Variants in FBXO47 observed in about 807,000 individuals in gnomAD.
The protein encoded by FBXO47 is F-box protein 47, also known as F-box only protein 47.
A neutral mutation model predicts 53.9 loss-of-function variants in FBXO47; 34 were observed. That is an observed-to-expected ratio of 0.63 (90% confidence interval 0.48 to 0.84). FBXO47 has a LOEUF of 0.84. Among genes scored for constraint, FBXO47 ranks in the 40% least tolerant of loss-of-function variants. The pLI is 0.00. For synonymous variants in FBXO47, 165 were observed against 181.6 expected (o/e 0.91, Z 0.73); for missense variants, 485 against 541.3 (o/e 0.90, Z 1.03).
intron 10 of FBXO47, among the ~76,000 whole-genome samples, chr17:38,937,912 C>T (rs1915621647): frequency 6.6e-6 from 1 of 152,204 alleles, no homozygotes; most frequent in African/African-American, 2.4e-5. Flanking sequence ...TTGTGATCCA[C>T]CCGCCTCGGC....
chr17:38,937,425 C>T lies in FBXO47; in HGVS notation c.1244-135G>A, dbSNP rs140367650. 1,387 of 333,210 alleles carry T rather than the reference C, an allele frequency of 4.2e-3. 6 individuals carry two copies. The highest frequency in any genetic ancestry group is 6.1e-3 in the Non-Finnish European group (1,157 of 190,386). The allele number at this position is 333,210 out of a possible 1,614,324, so 20.6% of individuals were successfully genotyped here. ...AGGCTGGAATGCAGTGGTGCCATCT[C>T]GGCTCACTGCAACCTCTGCCTCCTG... On this transcript the variant is annotated intron_variant, in intron 10 of 10. Coordinates refer to ENST00000378079, the MANE Select transcript of FBXO47 (RefSeq NM_001008777.3).
chr17:38,946,408 A>AT lies in FBXO47; in HGVS notation c.617-1273_617-1272insA, dbSNP rs1280217359. On this transcript the variant is annotated intron_variant, in intron 6 of 10. Coordinates refer to ENST00000378079, the MANE Select transcript of FBXO47 (RefSeq NM_001008777.3). ...TATATATATCTATATATAAATATAT[A>AT]GATATATATATAACTATATAAATAT... Among the ~76,000 whole-genome samples, 54 of 77,118 alleles carry AT rather than the reference A, an allele frequency of 7.0e-4. 2 individuals carry two copies. Among genetic ancestry groups the AT allele is most frequent in the African/African-American group, 1.4e-3 (25 of 17,280 alleles). 50.6% of individuals were successfully genotyped at this position (77,118 alleles called of 152,430 possible).
intron 10 of FBXO47, among the ~76,000 whole-genome samples, chr17:38,937,596 A>G (rs570608197): frequency 7.5e-4 from 114 of 152,132 alleles, no homozygotes; most frequent in South Asian, 1.9e-3. Context: ...ACCTCAGGTG[A>G]TCCACCCGCC....
intron 7 of FBXO47, among the ~76,000 whole-genome samples, chr17:38,944,508 C>T (rs925908196): frequency 6.6e-6 from 1 of 151,676 alleles, no homozygotes; most frequent in African/African-American, 2.4e-5. Context: ...CGAGACCATT[C>T]TGGCTAACAC....
intron 6 of FBXO47, 55 bp from the exon 7 acceptor site, chr17:38,945,191 T>A: frequency 7.5e-7 from 1 of 1,332,190 alleles, no homozygotes; most frequent in Non-Finnish European, 1.1e-6. Flanking sequence ...GCTGTGCATA[T>A]TGAATAGTGA....
chr17:38,953,634 T>C (rs1362090492), intron 5 of FBXO47, among the ~76,000 whole-genome samples: 1 of 151,850 alleles, frequency 6.6e-6, no homozygotes, highest in East Asian at 1.9e-4. Flanking sequence ...CAAAAATAAA[T>C]AAATTAATTA....
At chr17:38,943,001 T>C in intron 8 of FBXO47, 81 bp from the exon 9 acceptor site, 1 of 1,196,600 alleles carries the variant, frequency 8.4e-7, no homozygotes, top group South Asian at 1.6e-5. Context: ...ATGCAATATT[T>C]TATCTTTATT....
At chr17:38,941,654 A>G (rs1598136045) in intron 9 of FBXO47, among the ~76,000 whole-genome samples, 1 of 142,334 alleles carries the variant, frequency 7.0e-6, no homozygotes, top group East Asian at 2.1e-4. Flanking sequence ...ATGTATGTGT[A>G]TATGTATGTG....
At chr17:38,965,522 A>G (rs1003143899) in intron 1 of FBXO47, among the ~76,000 whole-genome samples, 1 of 151,934 alleles carries the variant, frequency 6.6e-6, no homozygotes, top group Non-Finnish European at 1.5e-5. Context: ...TACCACAGCG[A>G]TTGGGGTCAG....
At position 38,956,318 on chromosome 17, in the gene FBXO47, T is replaced by C. The variant is rs1598147091; in HGVS notation, c.429+859A>G. Among the ~76,000 whole-genome samples, 2 of 151,752 alleles carry C rather than the reference T, an allele frequency of 1.3e-5. 1 individual carries two copies. Among genetic ancestry groups the C allele is most frequent in the South Asian group, 4.2e-4 (2 of 4,808 alleles). ...ACATGAAAAAATTGGCTGGGCAAGG[T>C]GGCTCATACCTGTAATCCCAGCACT... On this transcript the variant is annotated intron_variant, in intron 4 of 10. Coordinates refer to ENST00000378079, the MANE Select transcript of FBXO47 (RefSeq NM_001008777.3).
intron 7 of FBXO47, among the ~76,000 whole-genome samples, chr17:38,944,271 A>C (rs966982131): frequency 6.8e-6 from 1 of 146,328 alleles, no homozygotes; most frequent in Non-Finnish European, 1.5e-5. Flanking sequence ...CATGTATGTA[A>C]TTCTAGCACT....
intron 9 of FBXO47, among the ~76,000 whole-genome samples, chr17:38,939,293 C>CAAAAAAAA (rs1218321299): frequency 2.9e-4 from 10 of 34,866 alleles, no homozygotes; most frequent in Non-Finnish European, 3.1e-4. Context: ...ACTCCATCTC[C>CAAAAAAAA]AAAAAAAAAA....
intron 6 of FBXO47, among the ~76,000 whole-genome samples, chr17:38,949,350 G>C (rs1038551514): frequency 5.3e-5 from 8 of 152,104 alleles, no homozygotes; most frequent in Non-Finnish European, 1.2e-4. Flanking sequence ...AGCCCAGGAA[G>C]TGGAGGTTGC....
In FBXO47 at chr17:38,944,957, C is replaced by A; in HGVS notation, c.793+3G>T. 1 of 1,611,038 alleles carries A rather than the reference C, an allele frequency of 6.2e-7. No individual in the cohort carries two copies. The highest frequency in any genetic ancestry group is 8.5e-7 in the Non-Finnish European group (1 of 1,177,632). ...GTTACAACCCTGAAAGATGGGTGCT[C>A]ACCATCTTGAGGAGATATTGGCCCA... On this transcript the variant is annotated splice_donor_region_variant and intron_variant, in intron 7 of 10. Transcript: ENST00000378079.
chr17:38,962,972 T>C lies in FBXO47; in HGVS notation c.54A>G (p.Arg18=), dbSNP rs1159283629. Residue 18 remains arginine (R), a synonymous_variant, in exon 2 of 11, where the codon AGA becomes AGG. Transcript: ENST00000378079. The part of the protein sequence containing the change: ...NFTLIPNQKL[R]RSNRQTSCYS... ...AACAGCTGGTTTGACGATTACTACGTCTAAGTTTCTGGTTGGGAATCAAAG... is the reference window on the plus strand; with the variant it reads ...AACAGCTGGTTTGACGATTACTACGCCTAAGTTTCTGGTTGGGAATCAAAG... The C allele has an allele frequency of 1.9e-6, 3 of 1,612,210 alleles. No individual in the cohort carries two copies. Among genetic ancestry groups the C allele is most frequent in the Non-Finnish European group, 2.5e-6 (3 of 1,178,762 alleles).
chr17:38,948,704 C>T (rs963418447), intron 6 of FBXO47, among the ~76,000 whole-genome samples: 24 of 151,764 alleles, frequency 1.6e-4, no homozygotes, highest in Non-Finnish European at 2.5e-4. Context: ...CACAGGTAAA[C>T]GTGTACCATG....
intron 5 of FBXO47, among the ~76,000 whole-genome samples, chr17:38,952,388 A>G (rs1193492712): frequency 6.6e-6 from 1 of 152,152 alleles, no homozygotes; most frequent in Non-Finnish European, 1.5e-5. Flanking sequence ...TTTTTAGCAT[A>G]TGATCAAGGT....
intron 9 of FBXO47, among the ~76,000 whole-genome samples, chr17:38,940,796 C>T (rs1904471056): frequency 6.6e-6 from 1 of 151,848 alleles, no homozygotes; most frequent in African/African-American, 2.4e-5. Context: ...CTGCCTCAGC[C>T]TTCTGAGTAG....
intron 8 of FBXO47, 94 bp from the exon 9 acceptor site, chr17:38,943,014 A>G (rs1904582428): frequency 3.6e-6 from 4 of 1,110,420 alleles, no homozygotes; most frequent in Non-Finnish European, 5.1e-6. Context: ...TCTTTATTGG[A>G]AATACAATTA....
Sources: gnomAD v4.1 joint callset for allele counts (sites outside exome capture counted in the v4.1 genomes callset) on GRCh38, gnomAD v4.1.1 for gene constraint, MANE v1.5 for transcripts, NCBI Gene and HGNC (gene_info 2026-07-23, HGNC 2026-07-21) for gene names.